The following SLC25A40 variants were observed in gnomAD, a reference collection of about 807,000 sequenced individuals.
SLC25A40 encodes the protein solute carrier family 25 member 40, also known as mitochondrial glutathione transporter SLC25A40.
SLC25A40 carries 41 observed loss-of-function variants against 46.5 expected under a neutral mutation model. The observed-to-expected ratio is 0.88, with a 90% confidence interval of 0.69 to 1.14. The LOEUF is 1.14. Ranked by LOEUF, SLC25A40 falls within the 50% of genes most tolerant of loss-of-function variation. SLC25A40 has a pLI of 0.00. For synonymous variants in SLC25A40, 126 were observed against 127.5 expected, an observed-to-expected ratio of 0.99 and a Z score of 0.08; for missense variants, 386 against 393.6, an observed-to-expected ratio of 0.98 and a Z score of 0.16.
intron 1 of SLC25A40, among the ~76,000 whole-genome samples, chr7:87,871,791 TA>T (rs1838899812): frequency 3.9e-5 from 6 of 152,228 alleles, no homozygotes; most frequent in Admixed American, 3.9e-4. Context: ...TTGCCTTTCT[TA>T]AAATGCACAT....
chr7:87,870,016 A>G (rs1008640543), intron 1 of SLC25A40, among the ~76,000 whole-genome samples: 7 of 152,076 alleles, frequency 4.6e-5, no homozygotes, highest in African/African-American at 1.7e-4. Context: ...GTGAAATCTC[A>G]TTGTGGTATT....
Position 87,841,638 on chromosome 7 carries a change from T to C in SLC25A40, c.818A>G (p.His273Arg), listed in dbSNP as rs1306468981. Residue 273 changes from histidine (H) to arginine (R), a missense_variant, in exon 10 of 12, where the codon CAT becomes CGT. His to Arg is a conservative substitution (Grantham distance 29). Coordinates refer to ENST00000341119, the MANE Select transcript of SLC25A40 (RefSeq NM_018843.4). Reference sequence around the variant, plus strand: ...TTTAAATTAATTAAACTTACTTTTATGACTTTCATATGTCCAAAGTTGTGT... The same window carrying C: ...TTTAAATTAATTAAACTTACTTTTACGACTTTCATATGTCCAAAGTTGTGT... ...KQTQLWTYESHKISMPLHMST... is the reference protein window; with the variant it reads ...KQTQLWTYESRKISMPLHMST... 3.4e-6 allele frequency: 5 copies of C among 1,488,132 alleles called. No individual in the cohort carries two copies. The highest frequency in any genetic ancestry group is 4.5e-6 in the Non-Finnish European group (5 of 1,115,918). The allele number at this position is 1,488,132 out of a possible 1,614,324, so 92.2% of individuals were successfully genotyped here. A position where few individuals can be genotyped will look rare whatever the true frequency, so the allele number is the denominator to read the frequency against.
At chr7:87,845,801 C>G (rs755866610) in intron 8 of SLC25A40, among the ~76,000 whole-genome samples, 4 of 152,006 alleles carry the variant, frequency 2.6e-5, no homozygotes, top group Admixed American at 6.6e-5. Context: ...AAATGAGATA[C>G]CACTTTAAAT....
At chr7:87,861,792 C>T (rs1469518103) in intron 1 of SLC25A40, among the ~76,000 whole-genome samples, 1 of 152,038 alleles carries the variant, frequency 6.6e-6, no homozygotes, top group Non-Finnish European at 1.5e-5. Context: ...TGAATATGCG[C>T]ACATGAAATT....
intron 8 of SLC25A40, among the ~76,000 whole-genome samples, chr7:87,845,225 T>A (rs181004971): frequency 6.6e-6 from 1 of 151,980 alleles, no homozygotes. Context: ...AAATGTTATA[T>A]GACAGAGACG....
At chr7:87,836,656 T>A (rs1192186063) in intron 11 of SLC25A40, 74 bp downstream of exon 11, 28 of 947,998 alleles carry the variant, frequency 3.0e-5, no homozygotes, top group Non-Finnish European at 4.3e-5. Context: ...CTTCCTCCTA[T>A]AAGTTAATTT....
At chr7:87,857,947 G>A (rs1392971252) in intron 3 of SLC25A40, among the ~76,000 whole-genome samples, 1 of 152,146 alleles carries the variant, frequency 6.6e-6, no homozygotes, top group East Asian at 1.9e-4. Flanking sequence ...TTCCTAGCAA[G>A]GAATATTAAT....
chr7:87,868,584 A>G (rs1015610059), intron 1 of SLC25A40, among the ~76,000 whole-genome samples: 1 of 152,162 alleles, frequency 6.6e-6, no homozygotes, highest in African/African-American at 2.4e-5. Flanking sequence ...AATTTGCTAG[A>G]GTGGTTCACA....
chr7:87,864,420 T>C (rs1482306526), intron 1 of SLC25A40, among the ~76,000 whole-genome samples: 2 of 152,208 alleles, frequency 1.3e-5, no homozygotes, highest in Non-Finnish European at 1.5e-5. Flanking sequence ...TGCTGATCTA[T>C]CAAAAAAACG....
chr7:87,858,852 C>T (rs1838653123), intron 2 of SLC25A40, 101 bp from the exon 3 acceptor site: 1 of 660,128 alleles, frequency 1.5e-6, no homozygotes, highest in Admixed American at 2.5e-5. Flanking sequence ...ATTAGTAAGA[C>T]AACTAAGAGA....
chr7:87,874,750 G>A (rs1372737162), intron 1 of SLC25A40, among the ~76,000 whole-genome samples: 4 of 152,146 alleles, frequency 2.6e-5, no homozygotes, highest in Non-Finnish European at 5.9e-5. Context: ...CCTTTTAATA[G>A]ATTAAAATTG....
intron 5 of SLC25A40, among the ~76,000 whole-genome samples, chr7:87,853,453 G>A (rs1838550874): frequency 6.6e-6 from 1 of 152,208 alleles, no homozygotes; most frequent in Admixed American, 6.5e-5. Flanking sequence ...ACTACCATAT[G>A]ACTCAGCAAC....
At chr7:87,839,521 C>G (rs1838301181) in intron 10 of SLC25A40, among the ~76,000 whole-genome samples, 1 of 149,666 alleles carries the variant, frequency 6.7e-6, no homozygotes, top group Non-Finnish European at 1.5e-5. Flanking sequence ...CTCTGGAAAA[C>G]AAGTAAATTT....
chr7:87,858,214 T>C (rs1838644374), intron 3 of SLC25A40, among the ~76,000 whole-genome samples: 1 of 152,226 alleles, frequency 6.6e-6, no homozygotes. Flanking sequence ...TAGACCCTTA[T>C]CAGTAATTCT....
chr7:87,854,230 T>G lies in SLC25A40; in HGVS notation c.238A>C (p.Lys80Gln), dbSNP rs1562745905. 1 of 1,612,724 alleles carries G rather than the reference T, an allele frequency of 6.2e-7. No homozygotes were observed. Among genetic ancestry groups the G allele is most frequent in the Non-Finnish European group, 8.5e-7 (1 of 1,178,912 alleles). Reference protein sequence around the residue: ...EEGGNKLWYKKPGNFQGTLDA... With the variant: ...EEGGNKLWYKQPGNFQGTLDA... ...AATGTTCCCTGGAAATTTCCTGGCT[T>G]CTTATACCATAGTTTGTTGCCTCCC... Residue 80 changes from lysine to glutamine, a missense_variant, in exon 5 of 12, where the codon AAG becomes CAG. Lys to Gln is a moderately conservative substitution (Grantham distance 53). Coordinates refer to ENST00000341119, the MANE Select transcript of SLC25A40 (RefSeq NM_018843.4).
At chr7:87,875,452 G>A (rs1212601087) in intron 1 of SLC25A40, among the ~76,000 whole-genome samples, 1 of 151,708 alleles carries the variant, frequency 6.6e-6, no homozygotes, top group Non-Finnish European at 1.5e-5. Context: ...TGAGCTACCA[G>A]GTAAAAAAAT....
At chr7:87,840,621 CGAAACAAAATAA>C (rs139797473) in intron 10 of SLC25A40, among the ~76,000 whole-genome samples, 24,392 of 151,614 alleles carry the variant, frequency 0.16, 2,633 homozygotes, top group Non-Finnish European at 0.24. Context: ...AAAAGAAGAA[CGAAACAAAATAA>C]TTTTGAACTG....
chr7:87,841,827 C>T (rs1406135200), intron 9 of SLC25A40, 113 bp from the exon 10 acceptor site: 8 of 490,024 alleles, frequency 1.6e-5, no homozygotes, highest in Admixed American at 8.5e-5. Context: ...AATAACCGAA[C>T]TTTAAAATGA....
intron 1 of SLC25A40, among the ~76,000 whole-genome samples, chr7:87,869,182 TAA>T (rs1452833247): frequency 6.6e-6 from 1 of 152,142 alleles, no homozygotes; most frequent in African/African-American, 2.4e-5. Context: ...AGTTTTCTGT[TAA>T]AGAGAATGAA....
Sources: allele counts gnomAD v4.1 joint callset (sites outside exome capture counted in the v4.1 genomes callset), GRCh38; gene constraint gnomAD v4.1.1; transcripts MANE v1.5; gene names NCBI Gene and HGNC (gene_info 2026-07-23, HGNC 2026-07-21).